FSD1L: variants seen among roughly 807,000 people sequenced by gnomAD.
FSD1L encodes FSD1-like protein.
Under a neutral mutation model 71.6 loss-of-function variants are expected in FSD1L, and 45 were observed. The observed-to-expected ratio is 0.63, with a 90% CI of 0.49 to 0.81. The LOEUF (loss-of-function observed/expected upper bound fraction) is 0.81. Ranked by LOEUF, FSD1L falls within the 30% of genes least tolerant of loss-of-function variation. FSD1L has a pLI of 0.00. For missense variants in FSD1L, 561 were observed against 618.1 expected, an observed-to-expected ratio of 0.91 and a Z score of 0.98; for synonymous variants, 197 against 207.2, an observed-to-expected ratio of 0.95 and a Z score of 0.42.
intron 7 of FSD1L, among the ~76,000 whole-genome samples, chr9:105,493,535 C>G (rs1833111697): frequency 6.6e-6 from 1 of 152,100 alleles, no homozygotes; most frequent in African/African-American, 2.4e-5. Context: ...GAATTTGATC[C>G]TGTCATTATG....
intron 1 of FSD1L, 78 bp from the exon 2 acceptor site, chr9:105,461,437 AATATT>A (rs1194335023): frequency 7.1e-6 from 4 of 562,538 alleles, no homozygotes; most frequent in Non-Finnish European, 1.2e-5. Context: ...TATTAAATAA[AATATT>A]AAAATTAATT....
chr9:105,479,638 G>A (rs1038505618), intron 6 of FSD1L, among the ~76,000 whole-genome samples: 3 of 152,146 alleles, frequency 2.0e-5, no homozygotes, highest in African/African-American at 7.2e-5. Context: ...TTTTAGAACA[G>A]TTCTTAATTA....
intron 4 of FSD1L, among the ~76,000 whole-genome samples, chr9:105,470,517 G>A (rs555664476): frequency 7.9e-5 from 12 of 152,146 alleles, no homozygotes; most frequent in South Asian, 6.2e-4. Flanking sequence ...ACTATTATAA[G>A]TGGATTTTTT....
intron 8 of FSD1L, among the ~76,000 whole-genome samples, chr9:105,508,136 T>G (rs1319092958): frequency 6.6e-6 from 1 of 151,422 alleles, no homozygotes; most frequent in Admixed American, 6.6e-5. Context: ...AGTGCTGGGA[T>G]TACAGGCGTG....
rs1830911324 is a variant in FSD1L, at chr9:105,464,267, C to T, written c.143C>T (p.Ala48Val). 1 of 1,523,070 alleles carries T rather than the reference C, an allele frequency of 6.6e-7. No homozygotes were observed. The highest frequency in any genetic ancestry group is 8.9e-7 in the Non-Finnish European group (1 of 1,124,464). The allele number at this position is 1,523,070 out of a possible 1,614,324, so 94.3% of individuals were successfully genotyped here. A position where few individuals can be genotyped will look rare whatever the true frequency, so the allele number is the denominator to read the frequency against. Residue 48 changes from alanine (A) to valine (V), a missense_variant, in exon 3 of 14, where the codon GCA becomes GTA. Coordinates refer to ENST00000481272, the MANE Select transcript of FSD1L (RefSeq NM_001145313.3). The stretch of plus-strand genomic sequence containing the variant: ...CTACAGAGGATCATTTCAACTCTGG[C>T]AAATAAAAATGATGAAATTCAGAAC... Reference protein sequence around the residue: ...EALQRIISTLANKNDEIQNFI... With the variant: ...EALQRIISTLVNKNDEIQNFI...
chr9:105,505,069 CTT>C (rs1214136681), intron 7 of FSD1L, among the ~76,000 whole-genome samples: 2 of 152,168 alleles, frequency 1.3e-5, no homozygotes, highest in Admixed American at 6.5e-5. Context: ...AGCATTTACT[CTT>C]TGTGTTAAAC....
intron 7 of FSD1L, among the ~76,000 whole-genome samples, chr9:105,492,204 A>T (rs1296816701): frequency 1.3e-5 from 2 of 152,098 alleles, no homozygotes; most frequent in African/African-American, 4.8e-5. Flanking sequence ...CAGAGAATCA[A>T]CTTCTTCCTG....
intron 5 of FSD1L, among the ~76,000 whole-genome samples, chr9:105,473,658 G>A (rs1307079135): frequency 2.0e-5 from 3 of 152,154 alleles, no homozygotes; most frequent in South Asian, 4.1e-4. Flanking sequence ...AAGAAGACAG[G>A]AAAACTATAG....
chr9:105,520,043 T>C lies in FSD1L; in HGVS notation c.1025+7107T>C, dbSNP rs1474643637. The C allele has an allele frequency of 2.0e-6, 3 of 1,501,864 alleles. No individual in the cohort carries two copies. In the East Asian group the frequency reaches 7.3e-5, roughly 37 times the overall value. The allele number at this position is 1,501,864 out of a possible 1,614,324, so 93.0% of individuals were successfully genotyped here. Reference sequence around the variant, plus strand: ...GGAGCTAATGAGCCTCTCTGGCTAGTCTCCTCCCCGTCCACTCCCTCCACT... The same window carrying C: ...GGAGCTAATGAGCCTCTCTGGCTAGCCTCCTCCCCGTCCACTCCCTCCACT... On this transcript the variant is annotated intron_variant, in intron 10 of 13. Transcript: ENST00000481272.
chr9:105,497,554 T>C (rs1564114927), intron 7 of FSD1L, among the ~76,000 whole-genome samples: 1 of 152,212 alleles, frequency 6.6e-6, no homozygotes, highest in East Asian at 1.9e-4. Context: ...GATAGAGGCC[T>C]ATTCAGATTG....
intron 10 of FSD1L, chr9:105,521,079 C>T: frequency 6.2e-7 from 1 of 1,613,548 alleles, no homozygotes; most frequent in South Asian, 1.1e-5. Context: ...GAGACCAAAG[C>T]CACATTATGT....
chr9:105,463,754 ATGT>A (rs530852511), intron 2 of FSD1L, among the ~76,000 whole-genome samples: 83 of 152,350 alleles, frequency 5.4e-4, no homozygotes, highest in African/African-American at 1.9e-3. Flanking sequence ...ATTGGAATGA[ATGT>A]TGTCATTCTA....
chr9:105,530,685 A>G, intron 10 of FSD1L: 1 of 574,176 alleles, frequency 1.7e-6, no homozygotes, highest in Non-Finnish European at 3.1e-6. Context: ...CACTCTGACC[A>G]CCAGTTGGGG....
chr9:105,461,931 C>T lies in FSD1L; in HGVS notation c.111+316C>T, dbSNP rs185404889. On this transcript the variant is annotated intron_variant, in intron 2 of 13. Coordinates refer to ENST00000481272, the MANE Select transcript of FSD1L (RefSeq NM_001145313.3). ...GCAGTGAGCTACGATTGTGTCACTGCACTCCCACCTGTGTGACAGAGCCTC... is the reference window on the plus strand; with the variant it reads ...GCAGTGAGCTACGATTGTGTCACTGTACTCCCACCTGTGTGACAGAGCCTC... Among the ~76,000 whole-genome samples, 5 of 150,196 alleles carry T rather than the reference C, an allele frequency of 3.3e-5. No homozygotes were observed. In the East Asian group the frequency reaches 9.8e-4, roughly 29 times the overall value.
At position 105,448,174 on chromosome 9, in the gene FSD1L, A is replaced by G; in HGVS notation, c.-47A>G. ...GTGCGATCTCGCTGAGCCTCCTCAC[A>G]CGGTTCGTCGTCTCGGGTTCGAGCC... On this transcript the variant is annotated 5_prime_UTR_variant, in exon 1 of 14. Coordinates refer to ENST00000481272, the MANE Select transcript of FSD1L (RefSeq NM_001145313.3). 1 of 1,537,264 alleles carries G rather than the reference A, an allele frequency of 6.5e-7. No individual in the cohort carries two copies. The highest frequency in any genetic ancestry group is 8.8e-7 in the Non-Finnish European group (1 of 1,138,806).
At chr9:105,458,253 A>AC (rs1830477355) in intron 1 of FSD1L, among the ~76,000 whole-genome samples, 1 of 151,050 alleles carries the variant, frequency 6.6e-6, no homozygotes, top group Admixed American at 6.6e-5. Context: ...AAGTGTTGCT[A>AC]CTCTTCACTC....
intron 1 of FSD1L, among the ~76,000 whole-genome samples, chr9:105,448,672 C>G (rs1480180925): frequency 6.6e-6 from 1 of 152,184 alleles, no homozygotes; most frequent in Non-Finnish European, 1.5e-5. Flanking sequence ...TCTCCTCGAC[C>G]AAGTCTCGTC....
chr9:105,534,383 A>G, intron 10 of FSD1L, 110 bp from the exon 11 acceptor site: 1 of 609,256 alleles, frequency 1.6e-6, no homozygotes, highest in South Asian at 2.2e-5. Flanking sequence ...TTATTTCTAT[A>G]ACATAATTAG....
At position 105,512,824 on chromosome 9, in the gene FSD1L, G is replaced by A; in HGVS notation, c.913G>A (p.Asp305Asn). Residue 305 changes from aspartate (D) to asparagine (N), a missense_variant, in exon 10 of 14, where the codon GAT (aspartate) becomes AAT (asparagine). By Grantham distance (23) the Asp-to-Asn change is conservative. Coordinates refer to ENST00000481272, the MANE Select transcript of FSD1L (RefSeq NM_001145313.3). The stretch of plus-strand genomic sequence containing the variant: ...TTGAATAGCACTTAACTTCAATTTG[G>A]ATAACTCCTCATCCCATTTGAACCT... ...LETKALNFNLDNSSSHLNLKV... is the reference protein window; with the variant it reads ...LETKALNFNLNNSSSHLNLKV... The A allele has an allele frequency of 6.6e-7, 1 of 1,510,278 alleles. No homozygotes were observed. The highest frequency in any genetic ancestry group is 2.2e-5 in the Admixed American group (1 of 46,448). 93.6% of individuals were successfully genotyped at this position (1,510,278 alleles called of 1,614,324 possible). A position where few individuals can be genotyped will look rare whatever the true frequency, so the allele number is the denominator to read the frequency against.
Sources: gnomAD v4.1 joint callset for allele counts (sites outside exome capture counted in the v4.1 genomes callset) on GRCh38, gnomAD v4.1.1 for gene constraint, MANE v1.5 for transcripts, NCBI Gene and HGNC (gene_info 2026-07-23, HGNC 2026-07-21) for gene names.